The following CDC42SE2 variants were observed in gnomAD, a reference collection of about 807,000 sequenced individuals.
The protein encoded by CDC42SE2 is CDC42 small effector 2, also known as CDC42 small effector protein 2.
CDC42SE2 carries 3 observed loss-of-function variants against 11.5 expected under a neutral mutation model. That is an observed-to-expected ratio of 0.26 (90% CI 0.12 to 0.67). The LOEUF (loss-of-function observed/expected upper bound fraction) is 0.67, where lower values mean the gene tolerates loss of function less well. CDC42SE2 is among the 30% of genes least tolerant of loss of function. CDC42SE2 has a pLI of 0.80. For missense variants in CDC42SE2, 82 were observed against 106.8 expected (o/e 0.77, Z 1.02); for synonymous variants, 33 against 34.8 (o/e 0.95, Z 0.18).
Position 131,393,516 on chromosome 5 carries a change from C to T in CDC42SE2, c.*2425C>T, listed in dbSNP as rs949096354. On this transcript the variant is annotated 3_prime_UTR_variant, in exon 5 of 5. Transcript: ENST00000505065. The stretch of plus-strand genomic sequence containing the variant: ...AGTAAGTTGAATTCATCCATTGTCA[C>T]TGATTCACCAAGTGGATGTTGCATT... The T allele has an allele frequency of 2.0e-4, 31 of 152,352 alleles. No individual in the cohort carries two copies. The highest frequency in any genetic ancestry group is 7.0e-4 in the African/African-American group (29 of 41,450). 9.4% of individuals were successfully genotyped at this position (152,352 alleles called of 1,614,324 possible). A position where few individuals can be genotyped will look rare whatever the true frequency, so the allele number is the denominator to read the frequency against.
the CDC42SE2 span, among the ~76,000 whole-genome samples, chr5:131,232,091 A>G: frequency 6.6e-6 from 1 of 151,542 alleles, no homozygotes; most frequent in Non-Finnish European, 1.5e-5. Flanking sequence ...CGCCCACCCT[A>G]GAATTACTGT....
chr5:131,266,599 A>G (rs1363890090), intron 1 of CDC42SE2, among the ~76,000 whole-genome samples: 2 of 151,722 alleles, frequency 1.3e-5, no homozygotes, highest in Admixed American at 1.3e-4. Context: ...AGCTGGGATT[A>G]CAGACATGCG....
the CDC42SE2 span, among the ~76,000 whole-genome samples, chr5:131,224,287 A>C: frequency 6.6e-6 from 1 of 151,988 alleles, no homozygotes. Flanking sequence ...CAACATCTCC[A>C]CTCGAATATC....
chr5:131,270,845 C>T lies in CDC42SE2; in HGVS notation c.-455+6679C>T, dbSNP rs141046837. ...TAGAAGCTTGTTTTGGAGGAAGAGT[C>T]GTACTTAGTTGGCTTCTCTTTTTAC... is the stretch of plus-strand genomic sequence containing the variant. On this transcript the variant is annotated intron_variant, in intron 1 of 4. Coordinates refer to ENST00000505065, the MANE Select transcript of CDC42SE2 (RefSeq NM_001375635.1). Among the ~76,000 whole-genome samples the T allele has an allele frequency of 4.2e-3, 633 of 152,180 alleles. 4 individuals are homozygous for T. Among genetic ancestry groups the T allele is most frequent in the African/African-American group, 0.013 (548 of 41,494 alleles).
chr5:131,311,481 C>T (rs371082268), intron 1 of CDC42SE2, among the ~76,000 whole-genome samples: 366 of 151,470 alleles, frequency 2.4e-3, no homozygotes, highest in African/African-American at 8.5e-3. Flanking sequence ...TGAATCTGAA[C>T]GTTGGCCTGC....
chr5:131,362,926 T>G (rs966714705), intron 3 of CDC42SE2, among the ~76,000 whole-genome samples: 3 of 151,950 alleles, frequency 2.0e-5, no homozygotes, highest in Non-Finnish European at 4.4e-5. Context: ...GCAGGGGGAT[T>G]GCCTGAGCTC....
chr5:131,325,393 G>A (rs1312441115), intron 2 of CDC42SE2, among the ~76,000 whole-genome samples: 1 of 151,800 alleles, frequency 6.6e-6, no homozygotes, highest in African/African-American at 2.4e-5. Flanking sequence ...TAGAAACTTG[G>A]AATATTTTAA....
At chr5:131,253,451 C>A (rs1756656703) in intron 1 of CDC42SE2, among the ~76,000 whole-genome samples, 1 of 151,958 alleles carries the variant, frequency 6.6e-6, no homozygotes, top group Non-Finnish European at 1.5e-5. Flanking sequence ...TATTAACTCT[C>A]CCTTAAAGAC....
chr5:131,314,233 CT>C (rs1186826623), intron 1 of CDC42SE2, among the ~76,000 whole-genome samples: 314 of 137,022 alleles, frequency 2.3e-3, no homozygotes, highest in Middle Eastern at 3.8e-3. Context: ...AATGATTGTC[CT>C]TTTTTTTTTT....
chr5:131,388,386 T>C (rs1750552030), intron 4 of CDC42SE2, among the ~76,000 whole-genome samples: 1 of 152,206 alleles, frequency 6.6e-6, no homozygotes, highest in Admixed American at 6.5e-5. Context: ...AATGCAATAA[T>C]AAATAAGAAG....
At chr5:131,384,851 G>C (rs933637753) in intron 3 of CDC42SE2, among the ~76,000 whole-genome samples, 2 of 149,820 alleles carry the variant, frequency 1.3e-5, no homozygotes, top group Admixed American at 6.7e-5. Flanking sequence ...GGGAGCTGAG[G>C]TGCGAGGATT....
chr5:131,237,339 C>T, the CDC42SE2 span, among the ~76,000 whole-genome samples: 3 of 152,284 alleles, frequency 2.0e-5, no homozygotes, highest in Middle Eastern at 0.01. Flanking sequence ...TGTTTTCCCC[C>T]TTCGGCACCT....
chr5:131,215,777 A>G, the CDC42SE2 span, among the ~76,000 whole-genome samples: 12 of 152,356 alleles, frequency 7.9e-5, no homozygotes, highest in African/African-American at 2.6e-4. Context: ...TTTGGCAACC[A>G]AGATGTTCAC....
At chr5:131,312,989 C>CT (rs144922274) in intron 1 of CDC42SE2, among the ~76,000 whole-genome samples, 87 of 144,884 alleles carry the variant, frequency 6.0e-4, no homozygotes, top group Admixed American at 6.2e-4. Context: ...CTTTTCTTTT[C>CT]TTTTTTTTTT....
chr5:131,280,986 T>C (rs973325000), intron 1 of CDC42SE2, among the ~76,000 whole-genome samples: 32 of 152,220 alleles, frequency 2.1e-4, no homozygotes, highest in African/African-American at 7.5e-4. Context: ...GTGGAAGAAT[T>C]GCTCATATAT....
chr5:131,362,595 A>G (rs1259505579), intron 3 of CDC42SE2, among the ~76,000 whole-genome samples: 1 of 152,138 alleles, frequency 6.6e-6, no homozygotes, highest in African/African-American at 2.4e-5. Flanking sequence ...TGCACATTCC[A>G]TGTGTGAAAA....
chr5:131,344,393 C>T (rs1016776878), intron 2 of CDC42SE2, among the ~76,000 whole-genome samples: 11 of 152,196 alleles, frequency 7.2e-5, no homozygotes, highest in Admixed American at 3.9e-4. Flanking sequence ...CACGGAGCCT[C>T]GCTCACTGCT....
intron 3 of CDC42SE2, among the ~76,000 whole-genome samples, chr5:131,363,438 G>A (rs949905831): frequency 3.9e-5 from 6 of 152,046 alleles, no homozygotes; most frequent in Admixed American, 3.9e-4. Flanking sequence ...GTGCAATGGT[G>A]CGATCTTGGC....
intron 1 of CDC42SE2, among the ~76,000 whole-genome samples, chr5:131,300,256 A>T (rs1329506803): frequency 1.3e-5 from 2 of 152,166 alleles, no homozygotes; most frequent in Non-Finnish European, 2.9e-5. Flanking sequence ...GACTTGCAGC[A>T]TTGAGGTTGC....
Sources: allele counts gnomAD v4.1 joint callset (sites outside exome capture counted in the v4.1 genomes callset), GRCh38; gene constraint gnomAD v4.1.1; transcripts MANE v1.5; gene names NCBI Gene and HGNC (gene_info 2026-07-23, HGNC 2026-07-21).